Variants in TRPC5 observed in about 807,000 individuals in gnomAD.
TRPC5 encodes transient receptor potential cation channel subfamily C member 5, also known as short transient receptor potential channel 5.
Under a neutral mutation model 56.5 loss-of-function variants are expected in TRPC5, and 9 were observed. The observed-to-expected ratio is 0.16, with a 90% confidence interval of 0.10 to 0.28. The LOEUF is 0.28. Among genes scored for constraint, TRPC5 ranks in the 10% least tolerant of loss-of-function variants. The pLI, the probability that TRPC5 is intolerant of heterozygous loss-of-function variation, is 1.00. For synonymous variants in TRPC5, 282 were observed against 278.5 expected (o/e 1.01, Z -0.13); for missense variants, 469 against 748.9 (o/e 0.63, Z 4.36).
chrX:111,812,755 C>A (rs1921748352), intron 7 of TRPC5, among the ~76,000 whole-genome samples: 1 of 112,009 alleles, frequency 8.9e-6, no homozygotes, highest in African/African-American at 3.2e-5. Context: ...GTAAGGTAAG[C>A]ATTCATACAT....
In TRPC5 at chrX:111,771,922, C is replaced by G. The variant is rs1945845821; in HGVS notation, c.*4391G>C. ...ATTGAAAAGTTATTCTTGCTTCCCT[C>G]TCTTCAAAATGATCTAGTAATTACC... is the stretch of plus-strand genomic sequence containing the variant. On this transcript the variant is annotated 3_prime_UTR_variant, in exon 11 of 11. Coordinates refer to ENST00000262839, the MANE Select transcript of TRPC5 (RefSeq NM_012471.3). Among the ~76,000 whole-genome samples, 1 of 110,801 alleles carries G rather than the reference C, an allele frequency of 9.0e-6. No individual in the cohort carries two copies. Among genetic ancestry groups the G allele is most frequent in the African/African-American group, 3.3e-5 (1 of 30,469 alleles).
chrX:111,776,677 T>A lies in TRPC5; in HGVS notation c.2558A>T (p.Asn853Ile). The A allele has an allele frequency of 8.3e-7, 1 of 1,211,666 alleles. No individual in the cohort carries two copies. Among genetic ancestry groups the A allele is most frequent in the Non-Finnish European group, 1.1e-6 (1 of 895,523 alleles). The change falls in exon 11 of 11, where the codon AAT becomes ATT. Residue 853 changes from asparagine to isoleucine, a missense_variant. Around this residue, in one of 3 missense-constraint regions of TRPC5, gnomAD observed 194 missense variants for 221.8 expected, o/e 0.87. Coordinates refer to ENST00000262839, the MANE Select transcript of TRPC5 (RefSeq NM_012471.3). ...KKLGLLFSKFNGHMSEPSSEP... is the reference protein window; with the variant it reads ...KKLGLLFSKFIGHMSEPSSEP... ...TGAACTGGGTTCAGACATATGACCATTAAATTTGGAGAATAGGAGACCCAG... is the reference window on the plus strand; with the variant it reads ...TGAACTGGGTTCAGACATATGACCAATAAATTTGGAGAATAGGAGACCCAG...
chrX:112,001,369 A>G (rs1928690446), intron 1 of TRPC5, among the ~76,000 whole-genome samples: 1 of 112,274 alleles, frequency 8.9e-6, no homozygotes, highest in Admixed American at 9.4e-5. Flanking sequence ...CCATACACAC[A>G]TACATTATTG....
At chrX:112,031,348 C>T (rs1362405244) in intron 1 of TRPC5, among the ~76,000 whole-genome samples, 3 of 111,689 alleles carry the variant, frequency 2.7e-5, no homozygotes, top group African/African-American at 9.8e-5. Flanking sequence ...AGCTTCCCTG[C>T]TCTACTCAAA....
chrX:111,793,429 A>G lies in TRPC5; in HGVS notation c.1897-11291T>C, dbSNP rs191156436. 3.1e-3 allele frequency among the ~76,000 whole-genome samples: 353 copies of G among 112,611 alleles called. 1 individual carries two copies. Among genetic ancestry groups the G allele is most frequent in the Middle Eastern group, 0.014 (3 of 218 alleles). ...TTCTTCGAAGAAGATACATAAATGG[A>G]CAACAAGCTCCTGAAAATATTCTCA... On this transcript the variant is annotated intron_variant, in intron 7 of 10. Transcript: ENST00000262839.
At chrX:111,836,500 G>A (rs1310485180) in intron 6 of TRPC5, among the ~76,000 whole-genome samples, 3 of 111,672 alleles carry the variant, frequency 2.7e-5, no homozygotes, top group Non-Finnish European at 5.6e-5. Context: ...TTACACAGCT[G>A]CCTTCTTATC....
At chrX:112,022,313 CT>C (rs1347525194) in intron 1 of TRPC5, among the ~76,000 whole-genome samples, 1 of 112,135 alleles carries the variant, frequency 8.9e-6, no homozygotes, top group Non-Finnish European at 1.9e-5. Flanking sequence ...GAGGAAAGAG[CT>C]TTTGGTTGAA....
chrX:111,964,061 A>G (rs1042096937), intron 1 of TRPC5, among the ~76,000 whole-genome samples: 1 of 111,671 alleles, frequency 9.0e-6, no homozygotes, highest in South Asian at 3.8e-4. Flanking sequence ...ATAGCAAAGA[A>G]GTTAAGAACT....
chrX:111,796,416 A>G (rs1242616095), intron 7 of TRPC5, among the ~76,000 whole-genome samples: 4 of 111,473 alleles, frequency 3.6e-5, no homozygotes, highest in Non-Finnish European at 7.5e-5. Context: ...CGTGTTTTGT[A>G]TTTTATAAAA....
At chrX:111,852,040 C>T (rs760433111) in intron 5 of TRPC5, among the ~76,000 whole-genome samples, 23 of 112,089 alleles carry the variant, frequency 2.1e-4, no homozygotes, top group African/African-American at 3.9e-4. Flanking sequence ...ATTTAAACAC[C>T]GAAAGCTGAA....
intron 1 of TRPC5, among the ~76,000 whole-genome samples, chrX:111,992,719 C>G (rs964634669): frequency 2.8e-5 from 3 of 109,014 alleles, no homozygotes; most frequent in African/African-American, 1.0e-4. Context: ...TCTCCTGCCT[C>G]AGCCTCGTGA....
chrX:112,080,284 T>A (rs941462214), intron 1 of TRPC5, among the ~76,000 whole-genome samples: 1 of 110,726 alleles, frequency 9.0e-6, no homozygotes, highest in African/African-American at 3.3e-5. Context: ...ATAGAAAGTT[T>A]AACAGACGAA....
intron 1 of TRPC5, among the ~76,000 whole-genome samples, chrX:111,989,017 T>A (rs1173089090): frequency 3.6e-5 from 4 of 111,995 alleles, no homozygotes; most frequent in African/African-American, 1.3e-4. Context: ...AGAACGTTGC[T>A]TGGCACATAG....
At chrX:112,035,775 C>A (rs781242213) in intron 1 of TRPC5, among the ~76,000 whole-genome samples, 1 of 108,690 alleles carries the variant, frequency 9.2e-6, no homozygotes, top group Admixed American at 1.0e-4. Context: ...GGGACTACAG[C>A]TGCCTGCCAC....
intron 3 of TRPC5, among the ~76,000 whole-genome samples, chrX:111,898,278 GACAC>G (rs1289193152): frequency 4.7e-5 from 4 of 85,420 alleles, no homozygotes; most frequent in Non-Finnish European, 8.8e-5. Context: ...TATATATATA[GACAC>G]ACACGCGTGT....
At chrX:111,952,535 A>C in intron 1 of TRPC5, 94 bp from the exon 2 acceptor site, 1 of 879,113 alleles carries the variant, frequency 1.1e-6, no homozygotes, top group Non-Finnish European at 1.6e-6. Flanking sequence ...AGGGGTTAGA[A>C]AATCCTAAAC....
chrX:112,008,618 T>G lies in TRPC5; in HGVS notation c.-21-56177A>C, dbSNP rs186544381. On this transcript the variant is annotated intron_variant, in intron 1 of 10. Transcript: ENST00000262839. Reference sequence around the variant, plus strand: ...CTGTCTCAAAAAAAAAAAAAAAATATAGAGAGAAGGTGACTTTTGAGACAG... The same window carrying G: ...CTGTCTCAAAAAAAAAAAAAAAATAGAGAGAGAAGGTGACTTTTGAGACAG... Among the ~76,000 whole-genome samples, 398 of 105,321 alleles carry G rather than the reference T, an allele frequency of 3.8e-3. 1 individual carries two copies. The highest frequency in any genetic ancestry group is 0.019 in the South Asian group (44 of 2,367). 91.5% of individuals were successfully genotyped at this position (105,321 alleles called of 115,157 possible).
intron 3 of TRPC5, among the ~76,000 whole-genome samples, chrX:111,911,982 G>C (rs1925832958): frequency 1.8e-5 from 2 of 111,954 alleles, no homozygotes; most frequent in South Asian, 7.5e-4. Flanking sequence ...TCCACCACCA[G>C]CTTGTAAGCT....
chrX:112,027,499 T>A (rs1375651533), intron 1 of TRPC5, among the ~76,000 whole-genome samples: 2 of 111,645 alleles, frequency 1.8e-5, no homozygotes, highest in Non-Finnish European at 3.8e-5. Context: ...TTATTTCTTT[T>A]CTTTTCTTTT....
Sources: gnomAD v4.1 joint callset for allele counts (sites outside exome capture counted in the v4.1 genomes callset) on GRCh38, gnomAD v4.1.1 for gene constraint, gnomAD v4.1.1 regional missense constraint, MANE v1.5 for transcripts, NCBI Gene and HGNC (gene_info 2026-07-23, HGNC 2026-07-21) for gene names.